EEIG2: variants seen among roughly 807,000 people sequenced by gnomAD.
EEIG2 encodes the protein family with sequence similarity 102 member B.
the EEIG2 span, chr1:108,638,048 A>G: frequency 6.5e-6 from 1 of 152,702 alleles, no homozygotes; most frequent in South Asian, 2.1e-4. Context: ...ATAATATCCA[A>G]ATTCCAGATT....
the EEIG2 span, among the ~76,000 whole-genome samples, chr1:108,613,517 C>A: frequency 6.6e-6 from 1 of 152,080 alleles, no homozygotes; most frequent in Non-Finnish European, 1.5e-5. Flanking sequence ...TAATTTCAGA[C>A]CCCCACTTTC....
the EEIG2 span, among the ~76,000 whole-genome samples, chr1:108,583,956 A>G: frequency 6.6e-6 from 1 of 151,652 alleles, no homozygotes; most frequent in African/African-American, 2.4e-5. Flanking sequence ...GCTCTGCCAT[A>G]GCGTAGAGAG....
At chr1:108,609,781 T>C in the EEIG2 span, among the ~76,000 whole-genome samples, 2 of 152,166 alleles carry the variant, frequency 1.3e-5, no homozygotes. Flanking sequence ...GAATCCATTA[T>C]CCTCAGCAAA....
chr1:108,629,496 C>T, the EEIG2 span: 2 of 917,862 alleles, frequency 2.2e-6, no homozygotes, highest in South Asian at 1.8e-5. Flanking sequence ...CTCTAATAAA[C>T]AATTGTAAAA....
At chr1:108,612,191 A>G in the EEIG2 span, 5 of 1,612,716 alleles carry the variant, frequency 3.1e-6, no homozygotes, top group Non-Finnish European at 4.2e-6. Flanking sequence ...GGCTTTGCAG[A>G]TCTAAACCTG....
chr1:108,630,733 T>C, the EEIG2 span, among the ~76,000 whole-genome samples: 1 of 152,134 alleles, frequency 6.6e-6, no homozygotes, highest in Non-Finnish European at 1.5e-5. Flanking sequence ...TTCTAATCAC[T>C]CACTTGCTCC....
chr1:108,598,539 C>G, the EEIG2 span, among the ~76,000 whole-genome samples: 1 of 151,970 alleles, frequency 6.6e-6, no homozygotes, highest in East Asian at 1.9e-4. Flanking sequence ...TGTGACCATA[C>G]CAATAAATTA....
the EEIG2 span, chr1:108,600,708 T>A: frequency 6.3e-7 from 1 of 1,589,056 alleles, no homozygotes; most frequent in South Asian, 1.1e-5. Context: ...GCCTATTACT[T>A]CTTCCCTTTC....
At chr1:108,604,381 A>C in the EEIG2 span, among the ~76,000 whole-genome samples, 3 of 152,346 alleles carry the variant, frequency 2.0e-5, no homozygotes, top group South Asian at 6.2e-4. Context: ...AGAAGTGCTT[A>C]TGTTTTGAAT....
chr1:108,594,281 G>C, the EEIG2 span, among the ~76,000 whole-genome samples: 1 of 152,130 alleles, frequency 6.6e-6, no homozygotes, highest in Admixed American at 6.5e-5. Context: ...CAAGAATATT[G>C]TAAGAATGTA....
chr1:108,564,459 G>C, the EEIG2 span, among the ~76,000 whole-genome samples: 1 of 152,196 alleles, frequency 6.6e-6, no homozygotes, highest in Non-Finnish European at 1.5e-5. Context: ...TATTGCATAT[G>C]GTGGTGGAAG....
the EEIG2 span, chr1:108,627,877 A>G: frequency 2.9e-6 from 1 of 339,676 alleles, no homozygotes; most frequent in Non-Finnish European, 5.5e-6. Context: ...GTGCTGTTAA[A>G]TGTTTTGAAC....
At chr1:108,605,537 G>A in the EEIG2 span, among the ~76,000 whole-genome samples, 8 of 152,102 alleles carry the variant, frequency 5.3e-5, no homozygotes, top group Admixed American at 1.3e-4. Flanking sequence ...TAGGGAGTGG[G>A]GAGTTTGGCC....
chr1:108,628,784 G>C, the EEIG2 span: 5 of 1,612,364 alleles, frequency 3.1e-6, no homozygotes, highest in African/African-American at 6.7e-5. Context: ...CAAGACTTCA[G>C]CCTAGATTCC....
the EEIG2 span, among the ~76,000 whole-genome samples, chr1:108,587,594 G>A: frequency 6.6e-6 from 1 of 151,990 alleles, no homozygotes; most frequent in South Asian, 2.1e-4. Context: ...CCAACCCCTG[G>A]CAATCACTGA....
chr1:108,635,224 A>G, the EEIG2 span: 1 of 1,572,886 alleles, frequency 6.4e-7, no homozygotes, highest in Non-Finnish European at 8.7e-7. Flanking sequence ...ATTTTATTCA[A>G]GCACTTAATA....
chr1:108,624,824 G>GTGCCCTAAAAATTCTT, the EEIG2 span: 1 of 1,184,938 alleles, frequency 8.4e-7, no homozygotes, highest in South Asian at 1.3e-5. Context: ...TGGGAATTGT[G>GTGCCCTAAAAATTCTT]TGGGTATTTG....
chr1:108,582,853 G>A, the EEIG2 span, among the ~76,000 whole-genome samples: 3 of 152,200 alleles, frequency 2.0e-5, no homozygotes, highest in Non-Finnish European at 2.9e-5. Context: ...GCAGAGTAGA[G>A]CATATTTGGG....
At chr1:108,597,883 C>G in the EEIG2 span, among the ~76,000 whole-genome samples, 1 of 152,126 alleles carries the variant, frequency 6.6e-6, no homozygotes, top group African/African-American at 2.4e-5. Context: ...TATCAGTGGT[C>G]TCAGTGACAG....
Sources: allele counts gnomAD v4.1 joint callset (sites outside exome capture counted in the v4.1 genomes callset), GRCh38; gene constraint gnomAD v4.1.1; transcripts MANE v1.5; gene names NCBI Gene and HGNC (gene_info 2026-07-23, HGNC 2026-07-21).